Variants in NRK observed in about 807,000 individuals in gnomAD.
NRK encodes Nik related kinase.
In NRK, 67 loss-of-function variants were observed where a neutral mutation model predicts 125.2. That is an observed-to-expected ratio of 0.54 (90% CI 0.44 to 0.66). The LOEUF (loss-of-function observed/expected upper bound fraction) is 0.66, where lower values mean the gene tolerates loss of function less well. Ranked by LOEUF, NRK falls within the 30% of genes least tolerant of loss-of-function variation. The pLI, the probability that NRK is intolerant of heterozygous loss-of-function variation, is 0.00. For synonymous variants in NRK, 458 were observed against 429.0 expected (o/e 1.07, Z -0.84); for missense variants, 1,224 against 1,192.9 (o/e 1.03, Z -0.38).
chrX:105,822,980 C>A, intron 1 of NRK, 78 bp downstream of exon 1: 1 of 914,739 alleles, frequency 1.1e-6, no homozygotes, highest in Non-Finnish European at 1.5e-6. Context: ...GGAGCGGACG[C>A]CCTCAAAACG....
In NRK at chrX:105,868,341, C is replaced by T. The variant is rs374332404; in HGVS notation, c.124-11858C>T. On this transcript the variant is annotated intron_variant, in intron 2 of 28. Coordinates refer to ENST00000243300, the MANE Select transcript of NRK (RefSeq NM_198465.4). ...GGTAAAGTTGGTTTCTACGTGCTTCCATGATCCTTTAGATCGCTTTCCTTC... is the reference window on the plus strand; with the variant it reads ...GGTAAAGTTGGTTTCTACGTGCTTCTATGATCCTTTAGATCGCTTTCCTTC... 2.5e-4 allele frequency among the ~76,000 whole-genome samples: 28 copies of T among 111,261 alleles called. No homozygotes were observed. The East Asian group carries it at 2.6e-3, about 10-fold the overall frequency.
At chrX:105,945,820 A>G in intron 24 of NRK, 52 bp from the exon 25 acceptor site, 1 of 1,108,413 alleles carries the variant, frequency 9.0e-7, no homozygotes. Flanking sequence ...CCTAGAGTAC[A>G]TACCCAGTAT....
intron 19 of NRK, 50 bp downstream of exon 19, chrX:105,925,081 T>A (rs1284868645): frequency 8.7e-6 from 8 of 924,716 alleles, no homozygotes; most frequent in Non-Finnish European, 1.2e-5. Context: ...TGCGAATGTG[T>A]TTCTTCATGG....
chrX:105,840,338 A>G (rs1317651737), intron 2 of NRK, among the ~76,000 whole-genome samples: 2 of 111,872 alleles, frequency 1.8e-5, no homozygotes, highest in African/African-American at 3.2e-5. Context: ...ATATATTGGG[A>G]AGTAATTCAA....
chrX:105,934,603 G>A (rs2040637291), intron 20 of NRK, among the ~76,000 whole-genome samples, 159 bp downstream of exon 20: 1 of 111,841 alleles, frequency 8.9e-6, no homozygotes, highest in African/African-American at 3.3e-5. Flanking sequence ...ACTCTTTACT[G>A]AATCTTTATG....
Position 105,888,338 on chromosome X carries a change from G to A in NRK, c.297G>A (p.Lys99=). 8.4e-7 allele frequency: 1 copy of A among 1,194,186 alleles called. No individual in the cohort carries two copies. The highest frequency in any genetic ancestry group is 1.1e-6 in the Non-Finnish European group (1 of 882,811). ...GGACTGAACTCAACCTTCTGAGGAA[G>A]TACTCTTTCCACAAAAACATTGTGT... ...DLRTELNLLR[K]YSFHKNIVSF... The change falls in exon 5 of 29, where the codon AAG becomes AAA. Residue 99 remains lysine (K), a synonymous_variant. Coordinates refer to ENST00000243300, the MANE Select transcript of NRK (RefSeq NM_198465.4).
At position 105,824,634 on chromosome X, in the gene NRK, A is replaced by G. The variant is rs1020665194; in HGVS notation, c.57+1732A>G. On this transcript the variant is annotated intron_variant, in intron 1 of 28. Transcript: ENST00000243300. ...TACTGCCACAAAAAAAAAAAAAAAAATGTGGGGAAATGGCCCAGACTACCT... is the reference window on the plus strand; with the variant it reads ...TACTGCCACAAAAAAAAAAAAAAAAGTGTGGGGAAATGGCCCAGACTACCT... Among the ~76,000 whole-genome samples, 60 of 101,332 alleles carry G rather than the reference A, an allele frequency of 5.9e-4. 3 individuals are homozygous for G. In the East Asian group the frequency reaches 9.8e-3, roughly 17 times the overall value. The allele number at this position is 101,332 out of a possible 115,157, so 88.0% of individuals were successfully genotyped here. A position where few individuals can be genotyped will look rare whatever the true frequency, so the allele number is the denominator to read the frequency against.
In NRK at chrX:105,880,246, C is replaced by T. The variant is rs761109913; in HGVS notation, c.171C>T (p.Asn57=). The T allele has an allele frequency of 4.3e-5, 45 of 1,044,490 alleles. No individual in the cohort carries two copies. The highest frequency in any genetic ancestry group is 5.6e-5 in the Admixed American group (2 of 35,985). 86.1% of individuals were successfully genotyped at this position (1,044,490 alleles called of 1,213,427 possible). A position where few individuals can be genotyped will look rare whatever the true frequency, so the allele number is the denominator to read the frequency against. ...TGAFTAVKVM[N]ARKTPLPEIG... is the part of the protein sequence containing the mutation. ...CATTTACAGCTGTTAAAGTGATGAA[C>T]GCTCGTAAGGTAATATTATAAATTG... The change falls in exon 3 of 29, where the codon AAC becomes AAT. Residue 57 remains asparagine (N), a synonymous_variant. Coordinates refer to ENST00000243300, the MANE Select transcript of NRK (RefSeq NM_198465.4).
In NRK at chrX:105,939,879, A is replaced by C; in HGVS notation, c.3805A>C (p.Lys1269Gln). Residue 1269 changes from lysine to glutamine, a missense_variant, in exon 23 of 29, where the codon AAG (lysine) becomes CAG (glutamine). Lys to Gln is a moderately conservative substitution (Grantham distance 53). Coordinates refer to ENST00000243300, the MANE Select transcript of NRK (RefSeq NM_198465.4). ...LNLLITISGH[K>Q]NRLRVYHLTW... ...TATATTTTCTTATCTATCAGGTCAT[A>C]AGAACAGACTTCGGGTGTATCATCT... 1 of 1,160,905 alleles carries C rather than the reference A, an allele frequency of 8.6e-7. No individual in the cohort carries two copies. Among genetic ancestry groups the C allele is most frequent in the Non-Finnish European group, 1.2e-6 (1 of 854,096 alleles).
At chrX:105,890,819 G>A (rs2040007380) in intron 5 of NRK, among the ~76,000 whole-genome samples, 1 of 111,494 alleles carries the variant, frequency 9.0e-6, no homozygotes, top group Non-Finnish European at 1.9e-5. Flanking sequence ...ATGAGATTTG[G>A]GTGAGAAACA....
intron 19 of NRK, among the ~76,000 whole-genome samples, chrX:105,926,419 G>A (rs2040524700): frequency 1.8e-5 from 2 of 111,660 alleles, no homozygotes; most frequent in Admixed American, 1.9e-4. Context: ...CTTGTTGGAC[G>A]AAGAGTTTGC....
At chrX:105,874,642 AC>A (rs1232368242) in intron 2 of NRK, among the ~76,000 whole-genome samples, 1 of 112,122 alleles carries the variant, frequency 8.9e-6, no homozygotes, top group Non-Finnish European at 1.9e-5. Flanking sequence ...AAAAGCAGGC[AC>A]ATATACCTCT....
At chrX:105,936,283 A>T (rs2040664265) in intron 21 of NRK, among the ~76,000 whole-genome samples, 2 of 112,221 alleles carry the variant, frequency 1.8e-5, no homozygotes, top group Admixed American at 1.9e-4. Context: ...AAATCATCTC[A>T]AAGTTCTGCT....
At chrX:105,946,151 T>G in intron 25 of NRK, 136 bp downstream of exon 25, 1 of 792,552 alleles carries the variant, frequency 1.3e-6, no homozygotes, top group African/African-American at 2.1e-5. Context: ...TAATAACAGG[T>G]CTAAGAAAAA....
Position 105,946,317 on chromosome X carries a change from A to G in NRK, c.4206A>G (p.Val1402=), listed in dbSNP as rs755099619. The change falls in exon 26 of 29, where the codon GTA becomes GTG. Residue 1402 remains valine, a splice_region_variant and synonymous_variant. Coordinates refer to ENST00000243300, the MANE Select transcript of NRK (RefSeq NM_198465.4). ...DELLHLLKLK[V]FPTLDHKPVT... ...CATATTTGGTTTTATATTCACAGGT[A>G]TTTCCAACACTTGATCATAAGCCAG... is the stretch of plus-strand genomic sequence containing the variant. 125 of 1,197,318 alleles carry G rather than the reference A, an allele frequency of 1.0e-4. No homozygotes were observed. Among genetic ancestry groups the G allele is most frequent in the Middle Eastern group, 4.7e-4 (2 of 4,284 alleles).
intron 1 of NRK, among the ~76,000 whole-genome samples, chrX:105,826,729 C>G (rs2039117909): frequency 1.8e-5 from 2 of 110,451 alleles, no homozygotes; most frequent in East Asian, 5.6e-4. Flanking sequence ...CTGCTATCCA[C>G]ATTTGGTCAT....
rs1391423374 is a variant in NRK, at chrX:105,955,531, T to A, written c.4680T>A (p.Asn1560Lys). 1 of 1,190,720 alleles carries A rather than the reference T, an allele frequency of 8.4e-7. No homozygotes were observed. Among genetic ancestry groups the A allele is most frequent in the African/African-American group, 1.8e-5 (1 of 56,854 alleles). Reference sequence around the variant, plus strand: ...TGTTCTTTACCTCTACCCTGCGCAATCACCACAGCCGGGTTTACTTCATGA... The same window carrying A: ...TGTTCTTTACCTCTACCCTGCGCAAACACCACAGCCGGGTTTACTTCATGA... ...DKLFFTSTLR[N>K]HHSRVYFMTL... The change falls in exon 29 of 29, where the codon AAT becomes AAA. Residue 1560 changes from asparagine (N) to lysine (K), a missense_variant. Transcript: ENST00000243300.
intron 2 of NRK, among the ~76,000 whole-genome samples, chrX:105,864,781 A>G (rs1215120754): frequency 9.0e-6 from 1 of 111,555 alleles, no homozygotes; most frequent in Non-Finnish European, 1.9e-5. Context: ...TGCAGAGACA[A>G]TAGGTAAACT....
intron 22 of NRK, 68 bp from the exon 23 acceptor site, chrX:105,939,806 C>CT (rs1189400746): frequency 4.4e-5 from 29 of 653,500 alleles, no homozygotes; most frequent in Non-Finnish European, 5.6e-5. Flanking sequence ...AATATCTTTA[C>CT]TTTTTTTTCT....
Sources: gnomAD v4.1 joint callset for allele counts (sites outside exome capture counted in the v4.1 genomes callset) on GRCh38, gnomAD v4.1.1 for gene constraint, MANE v1.5 for transcripts, NCBI Gene and HGNC (gene_info 2026-07-23, HGNC 2026-07-21) for gene names.